ZC3H6: variants seen among roughly 807,000 people sequenced by gnomAD.
ZC3H6 encodes the protein zinc finger CCCH domain-containing protein 6.
In ZC3H6, 40 loss-of-function variants were observed where a neutral mutation model predicts 107.7. That is an observed-to-expected ratio of 0.37 (90% confidence interval 0.29 to 0.48). The LOEUF is 0.48. Among genes scored for constraint, ZC3H6 ranks in the 20% least tolerant of loss-of-function variants. The probability of loss-of-function intolerance (pLI) is 0.98; values close to 1 mark genes in which losing one functional copy is unlikely to be tolerated. For missense variants in ZC3H6, 1,267 were observed against 1,410.4 expected (o/e 0.90, Z 1.63); for synonymous variants, 493 against 487.9 (o/e 1.01, Z -0.14).
chr2:112,278,576 C>T (rs967622445), intron 1 of ZC3H6, among the ~76,000 whole-genome samples: 3 of 152,216 alleles, frequency 2.0e-5, no homozygotes, highest in Non-Finnish European at 4.4e-5. Context: ...GCCTTGGCCT[C>T]CCAAAGTTTT....
chr2:112,314,010 TAATA>T (rs1676641387), intron 5 of ZC3H6, among the ~76,000 whole-genome samples: 1 of 152,220 alleles, frequency 6.6e-6, no homozygotes, highest in African/African-American at 2.4e-5. Flanking sequence ...CATTTTTTTG[TAATA>T]AATATTATTT....
intron 7 of ZC3H6, among the ~76,000 whole-genome samples, chr2:112,318,731 A>C (rs1676746895): frequency 6.6e-6 from 1 of 152,094 alleles, no homozygotes; most frequent in African/African-American, 2.4e-5. Flanking sequence ...TTACCCTTTG[A>C]CCCAGCAATC....
rs1686399507 is a variant in ZC3H6 at position 112,275,621 on chromosome 2, C to G, written c.-374C>G. The G allele has an allele frequency of 2.5e-6, 1 of 401,258 alleles. No homozygotes were observed. Among genetic ancestry groups the G allele is most frequent in the South Asian group, 1.1e-4 (1 of 9,122 alleles). The allele number at this position is 401,258 out of a possible 1,614,324, so 24.9% of individuals were successfully genotyped here. A position where few individuals can be genotyped will look rare whatever the true frequency, so the allele number is the denominator to read the frequency against. On this transcript the variant is annotated 5_prime_UTR_variant, in exon 1 of 12. Coordinates refer to ENST00000409871, the MANE Select transcript of ZC3H6 (RefSeq NM_198581.3). ...CGCCATTTTCTCGAGCCGCCTGTTT[C>G]GGGTGCCGCCATGTTGGTGAGGAGA...
chr2:112,323,181 T>G (rs537826231), intron 9 of ZC3H6, among the ~76,000 whole-genome samples: 2 of 152,310 alleles, frequency 1.3e-5, no homozygotes, highest in East Asian at 3.9e-4. Flanking sequence ...CATTTTCACT[T>G]GATTATGAGG....
chr2:112,289,704 G>C lies in ZC3H6; in HGVS notation c.33-10145G>C, dbSNP rs905765249. On this transcript the variant is annotated intron_variant, in intron 1 of 11. Transcript: ENST00000409871. ...TTTTCTAGCTTTATATGATTTTCTG[G>C]CTTCATATGATTTAAATATTTTTAC... Among the ~76,000 whole-genome samples the C allele has an allele frequency of 3.3e-5, 5 of 151,838 alleles. 1 individual carries two copies. Among genetic ancestry groups the C allele is most frequent in the Non-Finnish European group, 7.4e-5 (5 of 68,022 alleles).
At position 112,338,853 on chromosome 2, in the gene ZC3H6, GTGTA is replaced by G. The variant is rs1282413796; in HGVS notation, c.*6367_*6370del. The G allele has an allele frequency of 1.9e-5, 2 of 106,976 alleles. No individual in the cohort carries two copies. The highest frequency in any genetic ancestry group is 4.5e-5 in the Non-Finnish European group (2 of 44,530). The allele number at this position is 106,976 out of a possible 1,614,324, so 6.6% of individuals were successfully genotyped here. On this transcript the variant is annotated 3_prime_UTR_variant, in exon 12 of 12. Transcript: ENST00000409871. ...ACTATATATATATGTATGTATATGT[GTGTA>G]TATATATATATATATATATATATAT... is the stretch of plus-strand genomic sequence containing the variant.
intron 1 of ZC3H6, among the ~76,000 whole-genome samples, chr2:112,288,381 G>A (rs919699265): frequency 6.6e-6 from 1 of 152,184 alleles, no homozygotes; most frequent in African/African-American, 2.4e-5. Context: ...GTATAGTTCA[G>A]TTAAGTCACG....
rs754936026 is a variant in ZC3H6 at position 112,303,234 on chromosome 2, T to C, written c.219T>C (p.Asn73=). 1 of 1,605,814 alleles carries C rather than the reference T, an allele frequency of 6.2e-7. No individual in the cohort carries two copies. The highest frequency in any genetic ancestry group is 2.2e-5 in the East Asian group (1 of 44,740). Residue 73 remains asparagine, a synonymous_variant, in exon 3 of 12, where the codon AAT becomes AAC. Coordinates refer to ENST00000409871, the MANE Select transcript of ZC3H6 (RefSeq NM_198581.3). ...KRRKREKHKH[N]SPSSDDSSDY... ...TGTCTTTCCCCTCCCTTCAGCATAA[T>C]TCCCCATCTAGTGATGATAGTTCGG...
Position 112,332,379 on chromosome 2 carries a change from C to T in ZC3H6, c.3461C>T (p.Pro1154Leu). The T allele has an allele frequency of 6.2e-7, 1 of 1,613,770 alleles. No individual in the cohort carries two copies. Among genetic ancestry groups the T allele is most frequent in the South Asian group, 1.1e-5 (1 of 91,078 alleles). ...AGTGATCCAAGGCAGGCAAGGCAGCCAGGACAGGGGAGCCCGACCCCAGAT... is the reference window on the plus strand; with the variant it reads ...AGTGATCCAAGGCAGGCAAGGCAGCTAGGACAGGGGAGCCCGACCCCAGAT... ...QYSDPRQARQ[P>L]GQGSPTPDND... Residue 1154 changes from proline (P) to leucine (L), a missense_variant, in exon 12 of 12, where the codon CCA (proline) becomes CTA (leucine). By Grantham distance (98) the Pro-to-Leu change is moderately conservative (BLOSUM62 -3). Around this residue, in one of 3 missense-constraint regions of ZC3H6, gnomAD observed 925 missense variants for 1,025.7 expected, o/e 0.90. Transcript: ENST00000409871.
intron 9 of ZC3H6, among the ~76,000 whole-genome samples, chr2:112,323,209 A>G (rs1004614238): frequency 6.6e-6 from 1 of 152,192 alleles, no homozygotes; most frequent in African/African-American, 2.4e-5. Flanking sequence ...GTCATTGATA[A>G]TGCCTTCAGA....
intron 9 of ZC3H6, 86 bp downstream of exon 9, chr2:112,322,988 T>C (rs924246575): frequency 2.1e-6 from 3 of 1,398,834 alleles, no homozygotes; most frequent in African/African-American, 2.9e-5. Flanking sequence ...AAGCTAATCA[T>C]GTAATTAAAC....
At chr2:112,276,626 A>G (rs1686431958) in intron 1 of ZC3H6, among the ~76,000 whole-genome samples, 1 of 152,186 alleles carries the variant, frequency 6.6e-6, no homozygotes, top group Non-Finnish European at 1.5e-5. Context: ...GTTTTACCCT[A>G]ACGTAAAAAC....
At chr2:112,309,253 A>G (rs567617829) in intron 3 of ZC3H6, among the ~76,000 whole-genome samples, 2 of 152,324 alleles carry the variant, frequency 1.3e-5, no homozygotes, top group South Asian at 4.1e-4. Context: ...ATAAACTTCT[A>G]GTACTAAAGT....
intron 5 of ZC3H6, among the ~76,000 whole-genome samples, chr2:112,314,016 ATAT>A (rs1390874752): frequency 3.3e-5 from 5 of 152,166 alleles, no homozygotes; most frequent in African/African-American, 1.2e-4. Flanking sequence ...TTTGTAATAA[ATAT>A]TATTTTCCTG....
intron 7 of ZC3H6, among the ~76,000 whole-genome samples, chr2:112,317,666 C>A (rs988858967): frequency 1.3e-5 from 2 of 151,946 alleles, no homozygotes; most frequent in Non-Finnish European, 1.5e-5. Context: ...TACTTAAGTT[C>A]GGGAGTAAAA....
chr2:112,338,767 A>T lies in ZC3H6; in HGVS notation c.*6279A>T, dbSNP rs1393709894. On this transcript the variant is annotated 3_prime_UTR_variant, in exon 12 of 12. Coordinates refer to ENST00000409871, the MANE Select transcript of ZC3H6 (RefSeq NM_198581.3). ...AAATTAAATATATAGAGGCTCAATT[A>T]AAAAATAACCATATTCTCAAACCTC... 6.6e-6 allele frequency: 1 copy of T among 150,598 alleles called. No homozygotes were observed. Among genetic ancestry groups the T allele is most frequent in the African/African-American group, 2.4e-5 (1 of 41,188 alleles). The allele number at this position is 150,598 out of a possible 1,614,324, so 9.3% of individuals were successfully genotyped here. A position where few individuals can be genotyped will look rare whatever the true frequency, so the allele number is the denominator to read the frequency against.
rs189900800 is a variant in ZC3H6, at chr2:112,303,012, T to C, written c.214-217T>C. Among the ~76,000 whole-genome samples the C allele has an allele frequency of 3.9e-5, 6 of 152,188 alleles. No homozygotes were observed. In the East Asian group the frequency reaches 1.2e-3, roughly 29 times the overall value. On this transcript the variant is annotated intron_variant, in intron 2 of 11. Transcript: ENST00000409871. ...GGATGATGAGGAAAATGTCATAAAGTCTCTGAGCAGAGAGGAAGATAGACT... is the reference window on the plus strand; with the variant it reads ...GGATGATGAGGAAAATGTCATAAAGCCTCTGAGCAGAGAGGAAGATAGACT...
At chr2:112,321,112 T>A (rs986713989) in intron 7 of ZC3H6, among the ~76,000 whole-genome samples, 1 of 152,054 alleles carries the variant, frequency 6.6e-6, no homozygotes, top group Non-Finnish European at 1.5e-5. Flanking sequence ...TGAACATACA[T>A]CACCTGAGAG....
rs932566081 is a variant in ZC3H6, at chr2:112,276,117, A to T, written c.32+91A>T. 33 of 1,165,150 alleles carry T rather than the reference A, an allele frequency of 2.8e-5. No homozygotes were observed. The Admixed American group carries it at 7.4e-4, about 26-fold the overall frequency. 72.2% of individuals were successfully genotyped at this position (1,165,150 alleles called of 1,614,324 possible). On this transcript the variant is annotated intron_variant, in intron 1 of 11. Coordinates refer to ENST00000409871, the MANE Select transcript of ZC3H6 (RefSeq NM_198581.3). ...GCCGGGGCCGGGCGCCTCCTGCATG[A>T]CCTAGACGTCTCTGTGTGGCTCCGT...
Sources: gnomAD v4.1 joint callset for allele counts (sites outside exome capture counted in the v4.1 genomes callset) on GRCh38, gnomAD v4.1.1 for gene constraint, gnomAD v4.1.1 regional missense constraint, MANE v1.5 for transcripts, NCBI Gene and HGNC (gene_info 2026-07-23, HGNC 2026-07-21) for gene names.